MAPK8IP3: variants seen among roughly 807,000 people sequenced by gnomAD.
MAPK8IP3 encodes C-Jun-amino-terminal kinase-interacting protein 3.
Under a neutral mutation model 157.8 loss-of-function variants are expected in MAPK8IP3, and 49 were observed. The observed-to-expected ratio is 0.31, with a 90% CI of 0.25 to 0.39. MAPK8IP3 has a LOEUF of 0.39. MAPK8IP3 is among the 10% of genes least tolerant of loss of function. MAPK8IP3 has a pLI of 1.00. For synonymous variants in MAPK8IP3, 897 were observed against 777.7 expected, an observed-to-expected ratio of 1.15 and a Z score of -2.55; for missense variants, 1,478 against 1,889.4, an observed-to-expected ratio of 0.78 and a Z score of 4.04.
At chr16:1,713,723 C>A (rs997004497) in intron 1 of MAPK8IP3, 46 of 152,236 alleles carry the variant, frequency 3.0e-4, no homozygotes, top group African/African-American at 1.1e-3. Context: ...GCTCGCACCT[C>A]AGGACTGCCT....
rs2042085278 is a variant in MAPK8IP3 at position 1,763,724 on chromosome 16, C to T, written c.1966C>T (p.Arg656Cys). The T allele has an allele frequency of 6.3e-7, 1 of 1,595,798 alleles. No homozygotes were observed. Among genetic ancestry groups the T allele is most frequent in the Non-Finnish European group, 8.5e-7 (1 of 1,170,084 alleles). Residue 656 changes from arginine to cysteine, a missense_variant, in exon 17 of 32, where the codon CGT (arginine) becomes TGT (cysteine). Physicochemically the swap from Arg to Cys is radical, Grantham distance 180. This residue lies in a region of MAPK8IP3 where 669 missense variants were observed against 759.8 expected (regional missense o/e 0.88). Transcript: ENST00000610761. Reference sequence around the variant, plus strand: ...GTACCGCCAGGTGCGTGAGCACGTGCGTAACGACGACGGCCGTCTGCAGGC... The same window carrying T: ...GTACCGCCAGGTGCGTGAGCACGTGTGTAACGACGACGGCCGTCTGCAGGC... Reference protein sequence around the residue: ...EQYRQVREHVRNDDGRLQACG... With the variant: ...EQYRQVREHVCNDDGRLQACG...
At chr16:1,714,156 G>A (rs1457509524) in intron 1 of MAPK8IP3, 1 of 152,324 alleles carries the variant, frequency 6.6e-6, no homozygotes, top group Admixed American at 6.5e-5. Flanking sequence ...TGGCCAAGCA[G>A]GGTCCCAGCA....
At chr16:1,731,032 A>G (rs2039283672) in intron 4 of MAPK8IP3, among the ~76,000 whole-genome samples, 1 of 151,658 alleles carries the variant, frequency 6.6e-6, no homozygotes, top group Admixed American at 6.6e-5. Context: ...CCCAGCTACT[A>G]GAGAGGCTGA....
rs2041847034 is a variant in MAPK8IP3 at position 1,760,075 on chromosome 16, A to T, written c.1304+60A>T. The T allele has an allele frequency of 5.0e-6, 8 of 1,593,188 alleles. No homozygotes were observed. In the South Asian group the frequency reaches 7.7e-5, roughly 15 times the overall value. The stretch of plus-strand genomic sequence containing the variant: ...GGCAGCCCTCCTTGTCAGGGCTGGG[A>T]GAGTGAGCCGGGCCAGAGGGCGCCT... On this transcript the variant is annotated intron_variant, in intron 11 of 31. Transcript: ENST00000610761.
chr16:1,752,578 A>T, intron 8 of MAPK8IP3: 1 of 298,888 alleles, frequency 3.3e-6, no homozygotes, highest in South Asian at 2.5e-5. Flanking sequence ...CCCCATCTCT[A>T]CAAAACATTT....
At position 1,763,797 on chromosome 16, in the gene MAPK8IP3, C is replaced by A. The variant is rs1254758244; in HGVS notation, c.2025+14C>A. ...AAGTACAAGCAGGTGCGGGCGGGCG[C>A]TGCGGGGACCGGGCGGGGCCCCGCA... is the stretch of plus-strand genomic sequence containing the variant. On this transcript the variant is annotated intron_variant, in intron 17 of 31. Transcript: ENST00000610761. The A allele has an allele frequency of 1.5e-6, 2 of 1,363,972 alleles. No homozygotes were observed. Among genetic ancestry groups the A allele is most frequent in the Non-Finnish European group, 1.9e-6 (2 of 1,037,072 alleles). The allele number at this position is 1,363,972 out of a possible 1,614,324, so 84.5% of individuals were successfully genotyped here.
intron 9 of MAPK8IP3, among the ~76,000 whole-genome samples, 159 bp from the exon 10 acceptor site, chr16:1,758,819 C>G (rs1460034320): frequency 6.6e-6 from 1 of 152,226 alleles, no homozygotes; most frequent in African/African-American, 2.4e-5. Context: ...CTCCTGCCCT[C>G]CTAACTCCCT....
intron 4 of MAPK8IP3, among the ~76,000 whole-genome samples, chr16:1,738,795 GTGTGACCACCCATGTGAGCATC>G (rs2040326291): frequency 1.5e-5 from 2 of 135,812 alleles, no homozygotes; most frequent in African/African-American, 2.7e-5. Flanking sequence ...GTCCGTGTGA[GTGTGACCACCCATGTGAGCATC>G]TGTGTGACCG....
At chr16:1,739,225 ACCGT>A (rs1320501571) in intron 4 of MAPK8IP3, among the ~76,000 whole-genome samples, 3 of 67,894 alleles carry the variant, frequency 4.4e-5, no homozygotes, top group African/African-American at 1.2e-4. Flanking sequence ...TGAGCGTGTG[ACCGT>A]CCGTGAGAGT....
chr16:1,763,624 G>C, intron 16 of MAPK8IP3, 33 bp from the exon 17 acceptor site: 1 of 1,514,396 alleles, frequency 6.6e-7, no homozygotes, highest in East Asian at 2.5e-5. Flanking sequence ...GCTCACCCTG[G>C]ACAGAGACAT....
intron 7 of MAPK8IP3, 90 bp from the exon 8 acceptor site, chr16:1,748,512 C>T (rs1465930589): frequency 1.1e-5 from 13 of 1,206,688 alleles, no homozygotes; most frequent in Admixed American, 1.8e-5. Flanking sequence ...TGAATGGCCA[C>T]GGTGGGAGGT....
intron 5 of MAPK8IP3, chr16:1,745,262 C>T (rs1384640414): frequency 3.6e-6 from 3 of 823,770 alleles, no homozygotes; most frequent in East Asian, 1.2e-4. Context: ...GGCCCAGAAG[C>T]GTTTGTCTGA....
At chr16:1,767,437 G>T in intron 26 of MAPK8IP3, 127 bp from the exon 27 acceptor site, 1 of 1,501,274 alleles carries the variant, frequency 6.7e-7, no homozygotes, top group Non-Finnish European at 9.1e-7. Context: ...GCTCGAACAG[G>T]CGCAAAGCAG....
chr16:1,762,584 G>A, intron 14 of MAPK8IP3, 91 bp from the exon 15 acceptor site: 1 of 1,556,978 alleles, frequency 6.4e-7, no homozygotes, highest in Non-Finnish European at 8.7e-7. Context: ...GGACTGAAGT[G>A]CGCTGGGTGC....
chr16:1,763,057 C>T, intron 16 of MAPK8IP3, 51 bp downstream of exon 16: 2 of 1,602,786 alleles, frequency 1.2e-6, no homozygotes, highest in Non-Finnish European at 1.7e-6. Context: ...TTGGGGAGGC[C>T]CTGTCCTGAG....
chr16:1,743,894 T>C lies in MAPK8IP3; in HGVS notation c.747+418T>C. 2 of 1,058,668 alleles carry C rather than the reference T, an allele frequency of 1.9e-6. No individual in the cohort carries two copies. The highest frequency in any genetic ancestry group is 2.3e-6 in the Non-Finnish European group (2 of 875,532). 65.6% of individuals were successfully genotyped at this position (1,058,668 alleles called of 1,614,324 possible). On this transcript the variant is annotated intron_variant, in intron 5 of 31. Transcript: ENST00000610761. The surrounding 1 kb of genome is among the most constrained non-coding windows in gnomAD (Gnocchi z 5.6). ...CCACGCCTCTACTCTCGGAGGAACG[T>C]CAGTGTCTAGAGTGTGGGGTTTGCC...
intron 17 of MAPK8IP3, 162 bp from the exon 18 acceptor site, chr16:1,763,953 T>A: frequency 9.4e-7 from 1 of 1,061,108 alleles, no homozygotes; most frequent in African/African-American, 1.6e-5. Context: ...GGCAGGGGTC[T>A]GGAGGGTCGG....
In MAPK8IP3 at chr16:1,741,805, G is replaced by A. The variant is rs1596680715; in HGVS notation, c.603-1527G>A. ...AAGATGGCACAGCCCAGTCCCAGCC[G>A]GCCCTGGTTCCCTCGTGCTACAGGA... On this transcript the variant is annotated intron_variant, in intron 4 of 31. Transcript: ENST00000610761. This position sits in a 1 kb window ranked among gnomAD's most constrained non-coding sequence, Gnocchi z 6.9. 6.6e-6 allele frequency among the ~76,000 whole-genome samples: 1 copy of A among 152,220 alleles called. No homozygotes were observed. Among genetic ancestry groups the A allele is most frequent in the African/African-American group, 2.4e-5 (1 of 41,538 alleles).
chr16:1,711,295 T>C (rs1420425029), intron 1 of MAPK8IP3, among the ~76,000 whole-genome samples: 1 of 152,216 alleles, frequency 6.6e-6, no homozygotes. Context: ...TGTTCTGCGG[T>C]GGCCCCTCGT....
Sources: gnomAD v4.1 joint callset for allele counts (sites outside exome capture counted in the v4.1 genomes callset) on GRCh38, gnomAD v4.1.1 for gene constraint, gnomAD v4.1.1 regional missense constraint, Gnocchi (gnomAD v3.1) non-coding constraint, MANE v1.5 for transcripts, NCBI Gene and HGNC (gene_info 2026-07-23, HGNC 2026-07-21) for gene names.